The following SPIDR variants were observed in gnomAD, a reference collection of about 807,000 sequenced individuals.
SPIDR encodes the protein DNA repair-scaffolding protein.
A neutral mutation model predicts 104.6 loss-of-function variants in SPIDR; 93 were observed. That is an observed-to-expected ratio of 0.89 (90% CI 0.75 to 1.06). SPIDR has a LOEUF of 1.06. Among genes scored for constraint, SPIDR ranks in the 50% least tolerant of loss-of-function variants. The probability of loss-of-function intolerance (pLI) is 0.00; values close to 1 mark genes in which losing one functional copy is unlikely to be tolerated. For missense variants in SPIDR, 1,154 were observed against 1,111.2 expected (o/e 1.04, Z -0.55); for synonymous variants, 431 against 416.9 (o/e 1.03, Z -0.41).
intron 8 of SPIDR, among the ~76,000 whole-genome samples, chr8:47,505,034 C>G (rs190352679): frequency 5.3e-4 from 81 of 152,294 alleles, no homozygotes; most frequent in Non-Finnish European, 6.9e-4. Context: ...AGGTGTCAGT[C>G]TGCCCCTACT....
chr8:47,363,489 C>T (rs1457651825), intron 5 of SPIDR, among the ~76,000 whole-genome samples: 13 of 124,248 alleles, frequency 1.0e-4, no homozygotes, highest in Non-Finnish European at 1.7e-4. Flanking sequence ...GCTACCACGC[C>T]CAACCTTTTT....
At chr8:47,283,881 C>T in intron 2 of SPIDR, 147 bp from the exon 3 acceptor site, 1 of 582,060 alleles carries the variant, frequency 1.7e-6, no homozygotes, top group South Asian at 2.5e-5. Context: ...GGAGTACATG[C>T]TTTGGGATTA....
intron 5 of SPIDR, among the ~76,000 whole-genome samples, chr8:47,360,360 T>C (rs1376242028): frequency 6.6e-6 from 1 of 151,980 alleles, no homozygotes; most frequent in Non-Finnish European, 1.5e-5. Context: ...TTTTCTACTA[T>C]TTCTCGGTAG....
intron 8 of SPIDR, among the ~76,000 whole-genome samples, chr8:47,467,755 G>A (rs1165055337): frequency 6.6e-6 from 1 of 152,162 alleles, no homozygotes; most frequent in Non-Finnish European, 1.5e-5. Flanking sequence ...ACATCATACT[G>A]AATGGACAAA....
rs373129562 is a variant in SPIDR, at chr8:47,728,898, G to A, written c.2436-35G>A. ...GGAGCTTTCCTGACTTGTGCCTCCC[G>A]GGGCCTTGTCTTTCCTTGGCTTTTC... is the stretch of plus-strand genomic sequence containing the variant. On this transcript the variant is annotated intron_variant, in intron 17 of 19. Coordinates refer to ENST00000297423, the MANE Select transcript of SPIDR (RefSeq NM_001080394.4). 77 of 1,582,702 alleles carry A rather than the reference G, an allele frequency of 4.9e-5. 1 individual carries two copies. The Middle Eastern group carries it at 6.7e-4, about 14-fold the overall frequency.
chr8:47,486,875 G>A (rs541266663), intron 8 of SPIDR, among the ~76,000 whole-genome samples: 2 of 152,288 alleles, frequency 1.3e-5, no homozygotes, highest in African/African-American at 4.8e-5. Flanking sequence ...AGGAACAACT[G>A]GTAGCAGCCA....
At chr8:47,585,466 A>G (rs1397472507) in intron 8 of SPIDR, among the ~76,000 whole-genome samples, 3 of 152,126 alleles carry the variant, frequency 2.0e-5, no homozygotes, top group African/African-American at 7.2e-5. Context: ...ATTTACATTT[A>G]GTTGTACAAA....
At chr8:47,530,816 G>A (rs899486170) in intron 8 of SPIDR, among the ~76,000 whole-genome samples, 1 of 151,520 alleles carries the variant, frequency 6.6e-6, no homozygotes, top group Admixed American at 6.6e-5. Flanking sequence ...TCCTTTTGTA[G>A]TAACACTTGG....
At chr8:47,609,069 T>C (rs535054168) in intron 10 of SPIDR, among the ~76,000 whole-genome samples, 3 of 152,258 alleles carry the variant, frequency 2.0e-5, no homozygotes, top group Non-Finnish European at 4.4e-5. Context: ...ATATCTTCTT[T>C]AGAGAAATGT....
chr8:47,417,450 C>G (rs1320482656), intron 7 of SPIDR, among the ~76,000 whole-genome samples: 1 of 152,156 alleles, frequency 6.6e-6, no homozygotes, highest in Non-Finnish European at 1.5e-5. Flanking sequence ...TGTTCATATC[C>G]TTTGCCCACT....
intron 8 of SPIDR, among the ~76,000 whole-genome samples, chr8:47,576,110 AT>A (rs1017617109): frequency 5.9e-5 from 9 of 151,496 alleles, no homozygotes; most frequent in African/African-American, 2.2e-4. Context: ...AATAATAAAC[AT>A]TTTTTTGACA....
chr8:47,467,779 C>T (rs1488603349), intron 8 of SPIDR, among the ~76,000 whole-genome samples: 1 of 152,188 alleles, frequency 6.6e-6, no homozygotes, highest in African/African-American at 2.4e-5. Flanking sequence ...GGGAAGCATT[C>T]CCCTTGAAAA....
intron 8 of SPIDR, among the ~76,000 whole-genome samples, chr8:47,549,102 A>C (rs146414287): frequency 6.6e-6 from 1 of 152,162 alleles, no homozygotes; most frequent in East Asian, 1.9e-4. Flanking sequence ...ACATGAACTC[A>C]TCCTTTCTTA....
chr8:47,552,835 G>A (rs1051925793), intron 8 of SPIDR, among the ~76,000 whole-genome samples: 7 of 152,170 alleles, frequency 4.6e-5, no homozygotes, highest in African/African-American at 1.7e-4. Context: ...CTCATTAGTT[G>A]ATGCAGTTTC....
intron 5 of SPIDR, among the ~76,000 whole-genome samples, chr8:47,316,555 A>C (rs1359629486): frequency 2.6e-5 from 4 of 152,210 alleles, no homozygotes; most frequent in Admixed American, 2.0e-4. Context: ...TACATCAACA[A>C]CATAATGAAT....
At chr8:47,544,273 G>T (rs1269997934) in intron 8 of SPIDR, among the ~76,000 whole-genome samples, 1 of 151,944 alleles carries the variant, frequency 6.6e-6, no homozygotes, top group East Asian at 1.9e-4. Flanking sequence ...AATTTTGAGG[G>T]TTCTTAATAT....
intron 5 of SPIDR, among the ~76,000 whole-genome samples, chr8:47,385,686 A>G (rs2059816786): frequency 6.6e-6 from 1 of 152,052 alleles, no homozygotes; most frequent in Non-Finnish European, 1.5e-5. Context: ...GCCTTTTTGC[A>G]TATTTTGCTC....
chr8:47,424,806 G>C (rs370818003), intron 7 of SPIDR, among the ~76,000 whole-genome samples: 1 of 152,124 alleles, frequency 6.6e-6, no homozygotes, highest in East Asian at 1.9e-4. Flanking sequence ...CGCAGCCTTG[G>C]CTCACTGTAA....
chr8:47,266,535 A>C (rs1554546893), intron 1 of SPIDR, among the ~76,000 whole-genome samples: 1 of 152,206 alleles, frequency 6.6e-6, no homozygotes, highest in Admixed American at 6.5e-5. Flanking sequence ...GGCTGTTTTC[A>C]GGTTTTGGTT....
Sources: gnomAD v4.1 joint callset for allele counts (sites outside exome capture counted in the v4.1 genomes callset) on GRCh38, gnomAD v4.1.1 for gene constraint, MANE v1.5 for transcripts, NCBI Gene and HGNC (gene_info 2026-07-23, HGNC 2026-07-21) for gene names.